Variants in SNX7 observed in about 807,000 individuals in gnomAD.
SNX7 encodes sorting nexin-7.
SNX7 carries 35 observed loss-of-function variants against 48.4 expected under a neutral mutation model. The ratio of observed to expected loss-of-function variants is 0.72; its 90% CI spans 0.55 to 0.96. The LOEUF (loss-of-function observed/expected upper bound fraction) is 0.96, where lower values mean the gene tolerates loss of function less well. Ranked by LOEUF, SNX7 falls within the 40% of genes least tolerant of loss-of-function variation. The pLI is 0.00. For missense variants in SNX7, 553 were observed against 548.9 expected (o/e 1.01, Z -0.07); for synonymous variants, 190 against 190.2 (o/e 1.00, Z 0.01).
At chr1:98,703,663 A>T (rs1651866454) in intron 7 of SNX7, among the ~76,000 whole-genome samples, 1 of 151,940 alleles carries the variant, frequency 6.6e-6, no homozygotes, top group African/African-American at 2.4e-5. Context: ...GTTAAGAAAC[A>T]TATATATACA....
chr1:98,712,039 G>T (rs929472840), intron 7 of SNX7, among the ~76,000 whole-genome samples: 3 of 152,170 alleles, frequency 2.0e-5, no homozygotes, highest in African/African-American at 7.2e-5. Context: ...TCATGAGATT[G>T]TAGCAATTCG....
intron 2 of SNX7, among the ~76,000 whole-genome samples, chr1:98,685,934 A>C (rs1650770819): frequency 6.6e-6 from 1 of 152,122 alleles, no homozygotes; most frequent in African/African-American, 2.4e-5. Flanking sequence ...TGTATGACAT[A>C]TAAAGAGGCT....
intron 1 of SNX7, among the ~76,000 whole-genome samples, chr1:98,679,278 G>C (rs951962916): frequency 6.6e-6 from 1 of 152,094 alleles, no homozygotes; most frequent in Non-Finnish European, 1.5e-5. Flanking sequence ...CATGAGAACA[G>C]CATGTGAAGA....
chr1:98,679,743 C>T (rs1009942735), intron 1 of SNX7, among the ~76,000 whole-genome samples: 7 of 152,208 alleles, frequency 4.6e-5, no homozygotes, highest in African/African-American at 1.4e-4. Context: ...CTCCATGTCT[C>T]ACATACAGGT....
At chr1:98,699,149 A>G (rs1270864090) in intron 6 of SNX7, among the ~76,000 whole-genome samples, 4 of 152,202 alleles carry the variant, frequency 2.6e-5, no homozygotes, top group African/African-American at 9.7e-5. Context: ...GTAGACTTGA[A>G]GCATCCTCAA....
intron 1 of SNX7, among the ~76,000 whole-genome samples, chr1:98,675,709 A>G (rs1650124302): frequency 4.6e-5 from 7 of 152,196 alleles, no homozygotes; most frequent in Admixed American, 4.6e-4. Context: ...CAAAGTTGCT[A>G]TTTATATACA....
intron 1 of SNX7, among the ~76,000 whole-genome samples, chr1:98,678,577 A>G (rs1650303949): frequency 6.6e-6 from 1 of 152,216 alleles, no homozygotes; most frequent in South Asian, 2.1e-4. Flanking sequence ...GGGAAATAAC[A>G]AAATATTATA....
intron 7 of SNX7, among the ~76,000 whole-genome samples, chr1:98,716,281 G>A (rs1371417298): frequency 6.6e-6 from 1 of 152,034 alleles, no homozygotes; most frequent in Non-Finnish European, 1.5e-5. Flanking sequence ...CCCATATGGT[G>A]CCCTCTTCAT....
chr1:98,677,405 C>T (rs759770739), intron 1 of SNX7: 11 of 152,152 alleles, frequency 7.2e-5, no homozygotes, highest in African/African-American at 9.7e-5. Flanking sequence ...GCTGCCTTGG[C>T]CTACGTGGTC....
intron 1 of SNX7, chr1:98,662,669 T>C (rs779098296): frequency 3.1e-4 from 394 of 1,288,966 alleles, no homozygotes; most frequent in Non-Finnish European, 3.9e-4. Flanking sequence ...TTAAAGGGTT[T>C]TAGAAAAGAA....
intron 1 of SNX7, among the ~76,000 whole-genome samples, chr1:98,663,118 G>T (rs2100893969): frequency 6.6e-6 from 1 of 152,112 alleles, no homozygotes; most frequent in African/African-American, 2.4e-5. Flanking sequence ...TTGGCCAGTT[G>T]GTTATTTACT....
At position 98,731,696 on chromosome 1, in the gene SNX7, T is replaced by A. The variant is rs144052205; in HGVS notation, c.1126-6541T>A. On this transcript the variant is annotated intron_variant, in intron 7 of 8. Coordinates refer to ENST00000306121, the MANE Select transcript of SNX7 (RefSeq NM_015976.5). ...GTTGTTCCTGAGTTAAAAACCTGTA[T>A]AGCATGTTATTTTAGTCCATTGAAA... Among the ~76,000 whole-genome samples, 116 of 152,218 alleles carry A rather than the reference T, an allele frequency of 7.6e-4. No individual in the cohort carries two copies. In the Middle Eastern group the frequency reaches 0.01, roughly 13 times the overall value.
At chr1:98,689,762 G>A (rs1651011202) in intron 2 of SNX7, among the ~76,000 whole-genome samples, 1 of 152,124 alleles carries the variant, frequency 6.6e-6, no homozygotes, top group Non-Finnish European at 1.5e-5. Flanking sequence ...ATGTGTGCAT[G>A]CATCTATTTG....
chr1:98,713,343 G>A (rs1160665007), intron 7 of SNX7, among the ~76,000 whole-genome samples: 1 of 152,084 alleles, frequency 6.6e-6, no homozygotes, highest in Non-Finnish European at 1.5e-5. Flanking sequence ...TAAAATTGAA[G>A]AGTTAGGACA....
At chr1:98,667,486 C>A (rs990465929) in intron 1 of SNX7, among the ~76,000 whole-genome samples, 2 of 152,162 alleles carry the variant, frequency 1.3e-5, no homozygotes, top group Non-Finnish European at 2.9e-5. Context: ...AAGCTATCCT[C>A]CTACCTCAGC....
intron 1 of SNX7, among the ~76,000 whole-genome samples, chr1:98,681,699 A>G (rs1650498610): frequency 6.6e-6 from 1 of 152,208 alleles, no homozygotes; most frequent in Non-Finnish European, 1.5e-5. Flanking sequence ...AGTTAAATGT[A>G]ACAGATGAAC....
Position 98,661,863 on chromosome 1 carries a change from G to T in SNX7, c.132G>T (p.Glu44Asp). 8.0e-7 allele frequency: 1 copy of T among 1,247,026 alleles called. No homozygotes were observed. Among genetic ancestry groups the T allele is most frequent in the East Asian group, 3.2e-5 (1 of 31,642 alleles). 77.2% of individuals were successfully genotyped at this position (1,247,026 alleles called of 1,614,324 possible). The part of the protein sequence containing the change: ...SSGSSALLQA[E>D]VLDLDEDEDD... ...GCTCTTCCGCCCTGCTGCAGGCGGAGGTGCTGGATCTGGACGAGGACGAGG... is the reference window on the plus strand; with the variant it reads ...GCTCTTCCGCCCTGCTGCAGGCGGATGTGCTGGATCTGGACGAGGACGAGG... Residue 44 changes from glutamate (E) to aspartate (D), a missense_variant, in exon 1 of 9, where the codon GAG becomes GAT. Glu to Asp is a conservative substitution (Grantham distance 45). Transcript: ENST00000306121.
rs1651136203 is a variant in SNX7 at position 98,691,684 on chromosome 1, C to T, written c.624C>T (p.Leu208=). The T allele has an allele frequency of 1.9e-6, 3 of 1,605,866 alleles. No homozygotes were observed. Among genetic ancestry groups the T allele is most frequent in the South Asian group, 1.1e-5 (1 of 89,868 alleles). Reference sequence around the variant, plus strand: ...TTAATGAAGACTTCAAAATTTTTCTCACTGCACAAGCTTGGGTAAATGATT... The same window carrying T: ...TTAATGAAGACTTCAAAATTTTTCTTACTGCACAAGCTTGGGTAAATGATT... ...LTFNEDFKIF[L]TAQAWELSSH... is the part of the protein sequence containing the mutation. The change falls in exon 4 of 9, where the codon CTC becomes CTT. Residue 208 remains leucine (L), a synonymous_variant. Transcript: ENST00000306121.
chr1:98,747,241 G>A (rs1654349941), intron 8 of SNX7, among the ~76,000 whole-genome samples: 1 of 152,156 alleles, frequency 6.6e-6, no homozygotes, highest in African/African-American at 2.4e-5. Context: ...CAGAATGAGT[G>A]TTCTACAGAA....
Sources: gnomAD v4.1 joint callset for allele counts (sites outside exome capture counted in the v4.1 genomes callset) on GRCh38, gnomAD v4.1.1 for gene constraint, MANE v1.5 for transcripts, NCBI Gene and HGNC (gene_info 2026-07-23, HGNC 2026-07-21) for gene names.